CHM: variants seen among roughly 807,000 people sequenced by gnomAD.
CHM encodes rab proteins geranylgeranyltransferase component A 1.
CHM carries 10 observed loss-of-function variants against 49.0 expected under a neutral mutation model. That is an observed-to-expected ratio of 0.20 (90% CI 0.13 to 0.35). CHM has a LOEUF of 0.35. Ranked by LOEUF, CHM falls within the 10% of genes least tolerant of loss-of-function variation. The pLI, the probability that CHM is intolerant of heterozygous loss-of-function variation, is 1.00. For missense variants in CHM, 455 were observed against 478.4 expected, an observed-to-expected ratio of 0.95 and a Z score of 0.46; for synonymous variants, 184 against 167.5, an observed-to-expected ratio of 1.10 and a Z score of -0.76.
chrX:85,916,136 A>AAAAG (rs1427766368), intron 8 of CHM, among the ~76,000 whole-genome samples: 35 of 111,310 alleles, frequency 3.1e-4, no homozygotes, highest in African/African-American at 1.1e-3. Flanking sequence ...GAACCCAGAA[A>AAAAG]AAAGACCACA....
At chrX:85,877,670 C>T (rs939281987) in intron 13 of CHM, among the ~76,000 whole-genome samples, 5 of 111,113 alleles carry the variant, frequency 4.5e-5, no homozygotes, top group Non-Finnish European at 9.4e-5. Context: ...GATTACTCCA[C>T]ATTGTATGCC....
intron 11 of CHM, among the ~76,000 whole-genome samples, chrX:85,899,941 G>C (rs768313594): frequency 1.8e-5 from 2 of 110,475 alleles, no homozygotes; most frequent in East Asian, 2.9e-4. Flanking sequence ...GAAAAAAGCA[G>C]ACCCTTTACA....
chrX:85,973,622 T>C (rs1931090357), intron 4 of CHM, among the ~76,000 whole-genome samples: 1 of 111,641 alleles, frequency 9.0e-6, no homozygotes, highest in Admixed American at 9.5e-5. Context: ...GTAATACTTT[T>C]GGTAATTTGT....
intron 4 of CHM, among the ~76,000 whole-genome samples, chrX:85,977,728 A>G (rs911921977): frequency 8.9e-6 from 1 of 112,267 alleles, no homozygotes; most frequent in African/African-American, 3.2e-5. Context: ...AAGAATATCT[A>G]GTGAGCTGTA....
intron 8 of CHM, among the ~76,000 whole-genome samples, chrX:85,947,965 G>C (rs1929508350): frequency 9.0e-6 from 1 of 111,529 alleles, no homozygotes; most frequent in African/African-American, 3.3e-5. Context: ...GAAAAAATTA[G>C]ATCAAATCTA....
chrX:85,864,877 G>C (rs1206097224), intron 14 of CHM, 56 bp from the exon 15 acceptor site: 2 of 1,052,031 alleles, frequency 1.9e-6, no homozygotes, highest in Non-Finnish European at 2.6e-6. Context: ...AAATGTGTGT[G>C]CATTTCTGGC....
chrX:85,865,195 C>T lies in CHM; in HGVS notation c.1771-374G>A, dbSNP rs139383136. 6.0e-3 allele frequency among the ~76,000 whole-genome samples: 667 copies of T among 111,299 alleles called. 10 individuals are homozygous for T. The East Asian group carries it at 0.082, about 14-fold the overall frequency. ...ATATGGTTTGGTTCTGAGTCCTCAC[C>T]CAAATCTCATCTCAAATTGTTATCC... On this transcript the variant is annotated intron_variant, in intron 14 of 14. Coordinates refer to ENST00000357749, the MANE Select transcript of CHM (RefSeq NM_000390.4).
intron 8 of CHM, among the ~76,000 whole-genome samples, chrX:85,912,970 G>A (rs763041202): frequency 1.0e-5 from 1 of 96,270 alleles, no homozygotes; most frequent in African/African-American, 3.9e-5. Flanking sequence ...CCAAGATCGT[G>A]CCACTGCACT....
chrX:85,884,650 G>A (rs977452268), intron 12 of CHM, among the ~76,000 whole-genome samples: 1 of 110,875 alleles, frequency 9.0e-6, no homozygotes, highest in Admixed American at 9.6e-5. Flanking sequence ...AGTGGCATAC[G>A]TATGATTTTA....
intron 4 of CHM, among the ~76,000 whole-genome samples, chrX:85,977,284 C>A (rs1931330044): frequency 8.9e-6 from 1 of 112,274 alleles, no homozygotes; most frequent in East Asian, 2.8e-4. Context: ...AACATTATCC[C>A]AGTTCACTTT....
At chrX:85,918,510 C>G (rs1927590102) in intron 8 of CHM, among the ~76,000 whole-genome samples, 1 of 111,550 alleles carries the variant, frequency 9.0e-6, no homozygotes, top group African/African-American at 3.3e-5. Context: ...TACAAAACAA[C>G]CAGCTAACAA....
chrX:86,023,791 TACA>T (rs1008213250), intron 2 of CHM, among the ~76,000 whole-genome samples: 1 of 110,771 alleles, frequency 9.0e-6, no homozygotes, highest in African/African-American at 3.3e-5. Flanking sequence ...ATAAAGATTA[TACA>T]ACACCAAACT....
intron 8 of CHM, among the ~76,000 whole-genome samples, chrX:85,916,202 GATTCCCTATTCA>G (rs1311109319): frequency 1.8e-5 from 2 of 111,915 alleles, no homozygotes; most frequent in East Asian, 2.8e-4. Context: ...ATGGGGAAAG[GATTCCCTATTCA>G]ATAAATGGTG....
At chrX:86,005,845 C>T (rs1251536357) in intron 2 of CHM, among the ~76,000 whole-genome samples, 8 of 111,793 alleles carry the variant, frequency 7.2e-5, no homozygotes, top group African/African-American at 2.6e-4. Context: ...CAAAGAGGAG[C>T]TGGTAGCAAT....
chrX:85,888,432 G>A (rs923525905), intron 12 of CHM, among the ~76,000 whole-genome samples: 4 of 112,150 alleles, frequency 3.6e-5, no homozygotes, highest in African/African-American at 9.7e-5. Context: ...TGTGTAAGTC[G>A]ATATAACTTT....
intron 1 of CHM, among the ~76,000 whole-genome samples, chrX:86,043,428 T>A (rs1411557906): frequency 9.2e-6 from 1 of 108,458 alleles, no homozygotes; most frequent in Non-Finnish European, 1.9e-5. Flanking sequence ...TTTTTTGAGA[T>A]AGGGTCTTGC....
At chrX:85,987,529 T>C (rs1931983894) in intron 2 of CHM, among the ~76,000 whole-genome samples, 1 of 111,869 alleles carries the variant, frequency 8.9e-6, no homozygotes, top group African/African-American at 3.2e-5. Context: ...ACCAAGAATG[T>C]CAATGAAGAC....
At chrX:86,016,850 C>T (rs888812522) in intron 2 of CHM, among the ~76,000 whole-genome samples, 1 of 111,830 alleles carries the variant, frequency 8.9e-6, no homozygotes, top group Non-Finnish European at 1.9e-5. Flanking sequence ...GCACGTTCAC[C>T]TGGAAAAGCT....
At chrX:85,879,688 C>T (rs749054796) in intron 12 of CHM, among the ~76,000 whole-genome samples, 1 of 111,361 alleles carries the variant, frequency 9.0e-6, no homozygotes, top group Non-Finnish European at 1.9e-5. Flanking sequence ...TGTAGCCTAA[C>T]TCCGTTAAAA....
Sources: gnomAD v4.1 joint callset for allele counts (sites outside exome capture counted in the v4.1 genomes callset) on GRCh38, gnomAD v4.1.1 for gene constraint, MANE v1.5 for transcripts, NCBI Gene and HGNC (gene_info 2026-07-23, HGNC 2026-07-21) for gene names.